ADGRB1: variants seen among roughly 807,000 people sequenced by gnomAD.
ADGRB1 encodes the protein adhesion G protein-coupled receptor B1.
In ADGRB1, 36 loss-of-function variants were observed where a neutral mutation model predicts 175.7. That is an observed-to-expected ratio of 0.20 (90% confidence interval 0.16 to 0.27). ADGRB1 has a LOEUF of 0.27. Among genes scored for constraint, ADGRB1 ranks in the 10% least tolerant of loss-of-function variants. ADGRB1 has a pLI of 1.00. For synonymous variants in ADGRB1, 1,054 were observed against 979.4 expected (o/e 1.08, Z -1.42); for missense variants, 1,731 against 2,255.3 (o/e 0.77, Z 4.71).
Position 142,464,166 on chromosome 8 carries a change from G to A in ADGRB1, c.-33G>A. On this transcript the variant is annotated 5_prime_UTR_variant, in exon 2 of 31. Coordinates refer to ENST00000517894, the MANE Select transcript of ADGRB1 (RefSeq NM_001702.3). The stretch of plus-strand genomic sequence containing the variant: ...GACCTGGTCCGCGCCTGCCTGCCCA[G>A]CCCGCGGAACCCCGGCGGCCCCGCG... The A allele has an allele frequency of 8.6e-7, 1 of 1,157,860 alleles. No individual in the cohort carries two copies. The highest frequency in any genetic ancestry group is 1.1e-6 in the Non-Finnish European group (1 of 944,518). The allele number at this position is 1,157,860 out of a possible 1,614,324, so 71.7% of individuals were successfully genotyped here. A position where few individuals can be genotyped will look rare whatever the true frequency, so the allele number is the denominator to read the frequency against.
At chr8:142,467,612 G>A (rs1840353032) in intron 2 of ADGRB1, among the ~76,000 whole-genome samples, 1 of 152,198 alleles carries the variant, frequency 6.6e-6, no homozygotes, top group Non-Finnish European at 1.5e-5. Flanking sequence ...ATGTGAACAG[G>A]CAGCTCTGAC....
intron 25 of ADGRB1, among the ~76,000 whole-genome samples, chr8:142,534,924 G>A (rs535118171): frequency 6.6e-6 from 1 of 152,320 alleles, no homozygotes; most frequent in South Asian, 2.1e-4. Flanking sequence ...ACAGCTCCAG[G>A]GAGCTCGTCA....
chr8:142,506,266 G>A (rs921204653), intron 17 of ADGRB1, among the ~76,000 whole-genome samples: 1 of 152,178 alleles, frequency 6.6e-6, no homozygotes, highest in Non-Finnish European at 1.5e-5. Context: ...GACCTGTCAT[G>A]GGGCCCTATC....
rs1461275200 is a variant in ADGRB1, at chr8:142,522,222, C to A, written c.3175+107C>A. On this transcript the variant is annotated intron_variant, in intron 21 of 30. Coordinates refer to ENST00000517894, the MANE Select transcript of ADGRB1 (RefSeq NM_001702.3). ...CCCCATCCCCTGTGGACCCCTGGGG[C>A]CTCAGTTGCTGCTTGGGTGGGCTTC... is the stretch of plus-strand genomic sequence containing the variant. 4.1e-6 allele frequency: 6 copies of A among 1,446,660 alleles called. No individual in the cohort carries two copies. The African/African-American group carries it at 4.2e-5, about 10-fold the overall frequency. 89.6% of individuals were successfully genotyped at this position (1,446,660 alleles called of 1,614,324 possible).
chr8:142,510,818 G>A lies in ADGRB1; in HGVS notation c.2676-114G>A, dbSNP rs1843057736. The A allele has an allele frequency of 2.1e-5, 9 of 430,264 alleles. No homozygotes were observed. The highest frequency in any genetic ancestry group is 2.8e-5 in the Non-Finnish European group (9 of 326,258). The allele number at this position is 430,264 out of a possible 1,614,324, so 26.7% of individuals were successfully genotyped here. On this transcript the variant is annotated intron_variant, in intron 17 of 30. Coordinates refer to ENST00000517894, the MANE Select transcript of ADGRB1 (RefSeq NM_001702.3). This position sits in a 1 kb window ranked among gnomAD's most constrained non-coding sequence, Gnocchi z 6.3. ...CGGCTGCGGGCGCAGGTGCGGGGCGGCGGGCCGGGGCCGGGGCCGGGGCGC... is the reference window on the plus strand; with the variant it reads ...CGGCTGCGGGCGCAGGTGCGGGGCGACGGGCCGGGGCCGGGGCCGGGGCGC...
chr8:142,516,988 G>A (rs1440544229), intron 18 of ADGRB1, among the ~76,000 whole-genome samples: 1 of 152,184 alleles, frequency 6.6e-6, no homozygotes. Context: ...CCATGGGGTC[G>A]GGAATGGCAG....
At chr8:142,472,735 G>A (rs1335109482) in intron 2 of ADGRB1, among the ~76,000 whole-genome samples, 2 of 152,184 alleles carry the variant, frequency 1.3e-5, no homozygotes, top group South Asian at 2.1e-4. Flanking sequence ...TCAGGGCTCA[G>A]TATATAACAG....
chr8:142,518,253 C>A lies in ADGRB1; in HGVS notation c.2921+12C>A, dbSNP rs1239204767. The A allele has an allele frequency of 1.2e-6, 2 of 1,612,864 alleles. No homozygotes were observed. Among genetic ancestry groups the A allele is most frequent in the Non-Finnish European group, 1.7e-6 (2 of 1,179,432 alleles). On this transcript the variant is annotated intron_variant, in intron 19 of 30. Coordinates refer to ENST00000517894, the MANE Select transcript of ADGRB1 (RefSeq NM_001702.3). The stretch of plus-strand genomic sequence containing the variant: ...GTGTCCGTGTGGAGGTGGGTGCCGC[C>A]CAGGTGCTGGGCATGCATGTCTGTG...
rs764206907 is a variant in ADGRB1, at chr8:142,536,991, A to G, written c.3575A>G (p.Gln1192Arg). The G allele has an allele frequency of 1.3e-6, 2 of 1,588,442 alleles. No homozygotes were observed. The highest frequency in any genetic ancestry group is 1.7e-6 in the Non-Finnish European group (2 of 1,168,476). Residue 1192 changes from glutamine to arginine, a missense_variant, in exon 26 of 31, where the codon CAG (glutamine) becomes CGG (arginine). Gln to Arg is a conservative substitution (Grantham distance 43). Transcript: ENST00000517894. The stretch of plus-strand genomic sequence containing the variant: ...TGCTCGGCTCTCCCTCCCCAGGTCC[A>G]GGACGCTGTGAAATGCCGTGTGGTT... ...MVHCILRREV[Q>R]DAVKCRVVDR...
intron 24 of ADGRB1, among the ~76,000 whole-genome samples, chr8:142,529,827 G>A (rs937585256): frequency 2.0e-5 from 3 of 148,618 alleles, no homozygotes; most frequent in Non-Finnish European, 4.5e-5. Flanking sequence ...AGTGCAACCC[G>A]GTGTGTGTAT....
chr8:142,517,307 C>T (rs757112608), intron 18 of ADGRB1, among the ~76,000 whole-genome samples: 1 of 152,194 alleles, frequency 6.6e-6, no homozygotes, highest in Non-Finnish European at 1.5e-5. Context: ...ACTAAGTACC[C>T]CGCAGGTGGT....
At chr8:142,483,831 C>G in intron 11 of ADGRB1, 146 bp from the exon 12 acceptor site, 1 of 836,080 alleles carries the variant, frequency 1.2e-6, no homozygotes, top group South Asian at 1.5e-5. Context: ...ACAGTGAGCT[C>G]TGACCCTGGT....
intron 27 of ADGRB1, 136 bp from the exon 28 acceptor site, chr8:142,541,805 C>T (rs1289270336): frequency 1.1e-6 from 1 of 941,624 alleles, no homozygotes; most frequent in Non-Finnish European, 1.5e-6. Context: ...CGATCGGTAC[C>T]CAGCAGGACC....
intron 1 of ADGRB1, among the ~76,000 whole-genome samples, chr8:142,458,061 C>A (rs1372255530): frequency 6.6e-6 from 1 of 152,014 alleles, no homozygotes; most frequent in Non-Finnish European, 1.5e-5. Context: ...AGAGGGCCGG[C>A]AGGACAACAG....
intron 23 of ADGRB1, among the ~76,000 whole-genome samples, chr8:142,526,190 C>T (rs1245802767): frequency 6.6e-6 from 1 of 152,182 alleles, no homozygotes; most frequent in African/African-American, 2.4e-5. Context: ...AGGAGTGTGA[C>T]CCCAGGGAGA....
chr8:142,490,953 G>A (rs1841952690), intron 17 of ADGRB1, 138 bp downstream of exon 17: 1 of 1,127,134 alleles, frequency 8.9e-7, no homozygotes, highest in Non-Finnish European at 1.3e-6. Flanking sequence ...GGGCCTCCGT[G>A]TCACCACCTG....
chr8:142,507,246 T>C (rs1304870411), intron 17 of ADGRB1, among the ~76,000 whole-genome samples: 6 of 152,128 alleles, frequency 3.9e-5, no homozygotes, highest in Non-Finnish European at 7.4e-5. Context: ...CCCTGGGCTG[T>C]GTGTTGGGAG....
Position 142,543,787 on chromosome 8 carries a change from A to G in ADGRB1, c.4557+79A>G. 1 of 1,304,064 alleles carries G rather than the reference A, an allele frequency of 7.7e-7. No homozygotes were observed. The highest frequency in any genetic ancestry group is 1.1e-6 in the Non-Finnish European group (1 of 924,906). 80.8% of individuals were successfully genotyped at this position (1,304,064 alleles called of 1,614,324 possible). On this transcript the variant is annotated intron_variant, in intron 30 of 30. Transcript: ENST00000517894. This position sits in a 1 kb window ranked among gnomAD's most constrained non-coding sequence, Gnocchi z 4.4. ...TCTCCCTTCTTCCCTGGATTTGTGC[A>G]CTTCATCCATCCATCCATCCATCCA...
At chr8:142,469,562 A>C (rs1337358180) in intron 2 of ADGRB1, among the ~76,000 whole-genome samples, 4 of 106,536 alleles carry the variant, frequency 3.8e-5, no homozygotes, top group African/African-American at 7.6e-5. Context: ...CATGTGTGTG[A>C]ATGTGTGTGC....
Sources: allele counts gnomAD v4.1 joint callset (sites outside exome capture counted in the v4.1 genomes callset), GRCh38; gene constraint gnomAD v4.1.1; non-coding constraint Gnocchi (gnomAD v3.1); transcripts MANE v1.5; gene names NCBI Gene and HGNC (gene_info 2026-07-23, HGNC 2026-07-21).